The following CDH23 variants were observed in gnomAD, a reference collection of about 807,000 sequenced individuals.
The protein encoded by CDH23 is cadherin related 23, also known as cadherin-23.
A neutral mutation model predicts 317.1 loss-of-function variants in CDH23; 189 were observed. The observed-to-expected ratio is 0.60, with a 90% CI of 0.53 to 0.67. CDH23 has a LOEUF of 0.67. Ranked by LOEUF, CDH23 falls within the 30% of genes least tolerant of loss-of-function variation. The pLI, the probability that CDH23 is intolerant of heterozygous loss-of-function variation, is 0.00. For missense variants in CDH23, 4,401 were observed against 4,592.4 expected, an observed-to-expected ratio of 0.96 and a Z score of 1.20; for synonymous variants, 1,839 against 1,876.8, an observed-to-expected ratio of 0.98 and a Z score of 0.52.
rs2132820264 is a variant in CDH23, at chr10:71,730,544, C to T, written c.3655C>T (p.Arg1219Ter). The change falls in exon 31 of 70, where the codon CGA (arginine) becomes TGA (stop). Residue 1219 changes from arginine to a stop codon, truncating the protein, a stop_gained. Transcript: ENST00000224721. LOFTEE classifies it high-confidence loss of function. Reference protein sequence around the residue: ...TQQQYSRLGLRETAGIGTSVI... With the variant: ...TQQQYSRLGL ...GCAGCAGTACAGCCGTCTGGGGCTT[C>T]GAGAGACCGCAGGCATTGGAACGTC... 3 of 1,613,950 alleles carry T rather than the reference C, an allele frequency of 1.9e-6. No individual in the cohort carries two copies. Among genetic ancestry groups the T allele is most frequent in the Non-Finnish European group, 2.5e-6 (3 of 1,179,882 alleles).
chr10:71,789,070 C>T (rs747266523), intron 45 of CDH23, 28 bp downstream of exon 45: 12 of 1,132,070 alleles, frequency 1.1e-5, no homozygotes, highest in Admixed American at 1.7e-5. Context: ...CCGGGAGCTC[C>T]TGCTGTTGCC....
intron 9 of CDH23, among the ~76,000 whole-genome samples, chr10:71,613,426 T>C: frequency 6.6e-6 from 1 of 152,128 alleles, no homozygotes; most frequent in East Asian, 1.9e-4. Flanking sequence ...GCTGGCCCCA[T>C]GTTAGAGATT....
intron 14 of CDH23, chr10:71,647,022 G>A (rs1174888894): frequency 1.0e-6 from 1 of 985,314 alleles, no homozygotes; most frequent in African/African-American, 1.7e-5. Flanking sequence ...GGGTACCGGG[G>A]CACCCCCAGC....
chr10:71,484,260 G>A (rs1335650754), intron 3 of CDH23, among the ~76,000 whole-genome samples: 2 of 152,230 alleles, frequency 1.3e-5, no homozygotes, highest in Non-Finnish European at 2.9e-5. Flanking sequence ...GCAATTTGCC[G>A]TGGCGAGGTG....
intron 26 of CDH23, 132 bp from the exon 27 acceptor site, chr10:71,708,965 AG>A: frequency 2.5e-6 from 2 of 791,288 alleles, no homozygotes; most frequent in Admixed American, 4.0e-5. Context: ...CACCTCAGGC[AG>A]GGCCGAATCA....
chr10:71,507,162 G>C (rs898458340), intron 3 of CDH23, among the ~76,000 whole-genome samples: 37 of 152,194 alleles, frequency 2.4e-4, no homozygotes, highest in Admixed American at 6.5e-4. Flanking sequence ...TTGCGGTCCA[G>C]GGGGCTGCAG....
intron 1 of CDH23, among the ~76,000 whole-genome samples, chr10:71,420,620 T>C (rs955325579): frequency 2.3e-4 from 35 of 150,428 alleles, no homozygotes; most frequent in African/African-American, 8.3e-4. Context: ...CTACTAATAA[T>C]AGCACTTATT....
At chr10:71,786,941 G>A (rs1841122971) in intron 44 of CDH23, among the ~76,000 whole-genome samples, 1 of 152,164 alleles carries the variant, frequency 6.6e-6, no homozygotes, top group Non-Finnish European at 1.5e-5. Context: ...CCACTCTGCT[G>A]CTAACTCACC....
Position 71,536,708 on chromosome 10 carries a change from C to T in CDH23, c.429+25496C>T, listed in dbSNP as rs540708957. On this transcript the variant is annotated intron_variant, in intron 6 of 69. Coordinates refer to ENST00000224721, the MANE Select transcript of CDH23 (RefSeq NM_022124.6). ...GTCCCCTGTCCCATCCAGACCCAAA[C>T]GGGTCAGTAGGGTAAGCTGGATATG... is the stretch of plus-strand genomic sequence containing the variant. Among the ~76,000 whole-genome samples the T allele has an allele frequency of 1.8e-4, 27 of 152,150 alleles. 1 individual carries two copies. The South Asian group carries it at 4.1e-3, about 23-fold the overall frequency.
chr10:71,653,091 A>C (rs1358388779), intron 14 of CDH23, among the ~76,000 whole-genome samples: 1 of 148,262 alleles, frequency 6.7e-6, no homozygotes, highest in African/African-American at 2.5e-5. Flanking sequence ...AAGATTCCCC[A>C]GGACTTCACT....
chr10:71,738,583 G>T lies in CDH23; in HGVS notation c.4295G>T (p.Cys1432Phe), dbSNP rs1335402142. ...TCGGCGGTCAGCATACCCGAGGACT[G>T]CCCTGTGGGCCAGCGAGTGGCTACT... ...SDSAVSIPED[C>F]PVGQRVATVK... The change falls in exon 35 of 70, where the codon TGC becomes TTC. Residue 1432 changes from cysteine to phenylalanine, a missense_variant. By Grantham distance (205) the Cys-to-Phe change is radical. This residue lies in a region of CDH23 where 3,068 missense variants were observed against 3,203.3 expected (regional missense o/e 0.96). Coordinates refer to ENST00000224721, the MANE Select transcript of CDH23 (RefSeq NM_022124.6). 6.2e-7 allele frequency: 1 copy of T among 1,613,890 alleles called. No individual in the cohort carries two copies. Among genetic ancestry groups the T allele is most frequent in the Non-Finnish European group, 8.5e-7 (1 of 1,179,904 alleles).
At chr10:71,468,902 C>G (rs1462614377) in intron 3 of CDH23, among the ~76,000 whole-genome samples, 1 of 152,158 alleles carries the variant, frequency 6.6e-6, no homozygotes, top group Non-Finnish European at 1.5e-5. Context: ...TCCCTCCCAG[C>G]CTTCAGCATG....
intron 3 of CDH23, among the ~76,000 whole-genome samples, chr10:71,450,986 A>C (rs1850412287): frequency 1.3e-5 from 2 of 152,070 alleles, no homozygotes; most frequent in Admixed American, 1.3e-4. Context: ...CCAAAGCTGG[A>C]ATCCTGACCT....
intron 6 of CDH23, among the ~76,000 whole-genome samples, chr10:71,547,381 G>A (rs1310618921): frequency 2.0e-5 from 3 of 152,238 alleles, no homozygotes; most frequent in Non-Finnish European, 4.4e-5. Flanking sequence ...ATCTGAGGAA[G>A]TGCAAGGCCA....
intron 1 of CDH23, among the ~76,000 whole-genome samples, chr10:71,405,073 T>A (rs981827658): frequency 6.6e-6 from 1 of 152,246 alleles, no homozygotes; most frequent in African/African-American, 2.4e-5. Flanking sequence ...TCACTAATTC[T>A]GTCCCCGAGG....
At chr10:71,742,031 C>T in intron 38 of CDH23, 110 bp downstream of exon 38, 1 of 894,630 alleles carries the variant, frequency 1.1e-6, no homozygotes, top group Non-Finnish European at 1.7e-6. Context: ...CAGGCGAATC[C>T]TTGACAACTC....
intron 1 of CDH23, among the ~76,000 whole-genome samples, chr10:71,410,692 C>T (rs891780928): frequency 6.6e-6 from 1 of 152,206 alleles, no homozygotes; most frequent in Non-Finnish European, 1.5e-5. Context: ...ACTTCTAATA[C>T]AGTAGATTCA....
intron 46 of CDH23, 200 bp downstream of exon 46, chr10:71,790,613 A>G: frequency 3.0e-6 from 2 of 667,416 alleles, no homozygotes; most frequent in Non-Finnish European, 5.0e-6. Flanking sequence ...AGAGGCTTGG[A>G]GACGATACAC....
intron 11 of CDH23, among the ~76,000 whole-genome samples, chr10:71,617,837 CA>C (rs1242067059): frequency 6.6e-6 from 1 of 151,938 alleles, no homozygotes; most frequent in Non-Finnish European, 1.5e-5. Flanking sequence ...ACTAAAAATA[CA>C]AAAATTAGCC....
Sources: gnomAD v4.1 joint callset for allele counts (sites outside exome capture counted in the v4.1 genomes callset) on GRCh38, gnomAD v4.1.1 for gene constraint, gnomAD v4.1.1 regional missense constraint, MANE v1.5 for transcripts, NCBI Gene and HGNC (gene_info 2026-07-23, HGNC 2026-07-21) for gene names.